Variants in ZGRF1 observed in about 807,000 individuals in gnomAD.
The protein encoded by ZGRF1 is 5'-3' DNA helicase ZGRF1.
ZGRF1 carries 196 observed loss-of-function variants against 203.5 expected under a neutral mutation model. The observed-to-expected ratio is 0.96, with a 90% CI of 0.86 to 1.08. The LOEUF (loss-of-function observed/expected upper bound fraction) is 1.08, where lower values mean the gene tolerates loss of function less well. Among genes scored for constraint, ZGRF1 ranks in the 50% least tolerant of loss-of-function variants. The probability of loss-of-function intolerance (pLI) is 0.00; values close to 1 mark genes in which losing one functional copy is unlikely to be tolerated. For synonymous variants in ZGRF1, 809 were observed against 841.3 expected, an observed-to-expected ratio of 0.96 and a Z score of 0.66; for missense variants, 2,326 against 2,416.3, an observed-to-expected ratio of 0.96 and a Z score of 0.78.
chr4:112,575,230 G>T lies in ZGRF1; in HGVS notation c.4438+6433C>A, dbSNP rs1578326876. On this transcript the variant is annotated intron_variant, in intron 16 of 27. Transcript: ENST00000505019. ...AATATACTTACTTATATGATTCCAA[G>T]AACTAATTAAATGTTTCTCGTATCC... Among the ~76,000 whole-genome samples the T allele has an allele frequency of 5.3e-5, 8 of 152,074 alleles. 1 individual carries two copies. The South Asian group carries it at 1.7e-3, about 32-fold the overall frequency.
chr4:112,588,381 G>A (rs947152063), intron 11 of ZGRF1, among the ~76,000 whole-genome samples: 2 of 151,944 alleles, frequency 1.3e-5, no homozygotes, highest in Non-Finnish European at 2.9e-5. Flanking sequence ...TCCCAGAGAC[G>A]GAAGCTCATG....
intron 15 of ZGRF1, among the ~76,000 whole-genome samples, chr4:112,582,339 C>G (rs35496805): frequency 2.0e-5 from 3 of 151,754 alleles, no homozygotes; most frequent in Non-Finnish European, 4.4e-5. Flanking sequence ...TTTCCCACCC[C>G]CTTTTCTTCC....
intron 24 of ZGRF1, among the ~76,000 whole-genome samples, chr4:112,546,002 G>A (rs566320302): frequency 6.6e-6 from 1 of 151,620 alleles, no homozygotes; most frequent in East Asian, 1.9e-4. Flanking sequence ...CAAAATTTCT[G>A]TTTGGGATAA....
chr4:112,620,530 A>C (rs2047029203), intron 4 of ZGRF1, among the ~76,000 whole-genome samples: 1 of 152,184 alleles, frequency 6.6e-6, no homozygotes, highest in African/African-American at 2.4e-5. Flanking sequence ...CCTGGGCAAA[A>C]TATTGAGATC....
At chr4:112,594,601 T>G (rs1328954264) in intron 10 of ZGRF1, among the ~76,000 whole-genome samples, 2 of 151,812 alleles carry the variant, frequency 1.3e-5, no homozygotes, top group Admixed American at 1.3e-4. Context: ...TACAGGCACA[T>G]GCCACCACGC....
chr4:112,561,021 AT>A, intron 18 of ZGRF1, 26 bp from the exon 19 acceptor site: 1 of 1,558,654 alleles, frequency 6.4e-7, no homozygotes, highest in Non-Finnish European at 8.8e-7. Flanking sequence ...CAAATAAACA[AT>A]TTTAAAAAAA....
At chr4:112,569,952 C>T (rs930420712) in intron 16 of ZGRF1, among the ~76,000 whole-genome samples, 3 of 152,094 alleles carry the variant, frequency 2.0e-5, no homozygotes, top group Non-Finnish European at 2.9e-5. Flanking sequence ...AGGATCATCT[C>T]TACATGATGA....
chr4:112,548,211 G>C (rs966576835), intron 23 of ZGRF1, 42 bp downstream of exon 23: 5 of 1,545,470 alleles, frequency 3.2e-6, no homozygotes, highest in Non-Finnish European at 4.4e-6. Flanking sequence ...AAAGTGCTAG[G>C]ATTACAGGTA....
intron 24 of ZGRF1, among the ~76,000 whole-genome samples, chr4:112,541,654 G>C (rs1737640071): frequency 6.6e-6 from 1 of 150,992 alleles, no homozygotes; most frequent in African/African-American, 2.4e-5. Context: ...TCAGCCTCCC[G>C]AGTAGCTGGG....
chr4:112,544,610 G>A (rs1486864), intron 24 of ZGRF1, among the ~76,000 whole-genome samples: 2,120 of 152,100 alleles, frequency 0.014, 16 homozygotes, highest in Middle Eastern at 0.044. Context: ...TTCCAGGTAC[G>A]GAGAAAACAG....
rs551901198 is a variant in ZGRF1 at position 112,574,211 on chromosome 4, AG to A, written c.4438+7451del. On this transcript the variant is annotated intron_variant, in intron 16 of 27. Transcript: ENST00000505019. Reference sequence around the variant, plus strand: ...CACCCTGTTCACAATGGTAAAACTTAGAAACCCAAACAACAATGAAAACAAT... The same window carrying A: ...CACCCTGTTCACAATGGTAAAACTTAAAACCCAAACAACAATGAAAACAAT... Among the ~76,000 whole-genome samples the A allele has an allele frequency of 3.8e-3, 584 of 152,360 alleles. 3 individuals carry two copies. Among genetic ancestry groups the A allele is most frequent in the Non-Finnish European group, 6.4e-3 (437 of 68,030 alleles).
intron 3 of ZGRF1, among the ~76,000 whole-genome samples, chr4:112,624,744 C>T (rs1010543705): frequency 6.6e-6 from 1 of 152,062 alleles, no homozygotes; most frequent in Non-Finnish European, 1.5e-5. Context: ...AGCAATTTTT[C>T]CACTAGCCCT....
rs1340494397 is a variant in ZGRF1 at position 112,540,113 on chromosome 4, T to C, written c.5922A>G (p.Leu1974=). 23 of 1,560,798 alleles carry C rather than the reference T, an allele frequency of 1.5e-5. No homozygotes were observed. The highest frequency in any genetic ancestry group is 2.0e-5 in the Non-Finnish European group (23 of 1,149,822). The change falls in exon 27 of 28, where the codon TTA becomes TTG. Residue 1974 remains leucine, a synonymous_variant. Transcript: ENST00000505019. ...GATGGTGAAAGTCCACAGCACTGAG[T>C]AAATGACAAAGCTGTGGAAGAAAAA... is the stretch of plus-strand genomic sequence containing the variant. ...YKSQMYKLCH[L]LSAVDFHHPD... is the part of the protein sequence containing the mutation.
rs528295294 is a variant in ZGRF1, at chr4:112,605,928, C to T, written c.2802+80G>A. 9.7e-6 allele frequency: 9 copies of T among 927,440 alleles called. No homozygotes were observed. The Admixed American group carries it at 1.1e-4, about 11-fold the overall frequency. 57.5% of individuals were successfully genotyped at this position (927,440 alleles called of 1,614,324 possible). On this transcript the variant is annotated intron_variant, in intron 9 of 27. Coordinates refer to ENST00000505019, the MANE Select transcript of ZGRF1 (RefSeq NM_018392.5). Reference sequence around the variant, plus strand: ...CCTTCTGCCTGTGAAAACTCTGATACTTGTTTTTTTGTTTTTTTGTTTTAA... The same window carrying T: ...CCTTCTGCCTGTGAAAACTCTGATATTTGTTTTTTTGTTTTTTTGTTTTAA...
At chr4:112,564,556 T>C (rs1420319988) in intron 16 of ZGRF1, among the ~76,000 whole-genome samples, 9 of 152,222 alleles carry the variant, frequency 5.9e-5, no homozygotes, top group Non-Finnish European at 5.9e-5. Flanking sequence ...TTTAATCATA[T>C]GCATTTCACA....
chr4:112,583,182 T>C (rs1404459835), intron 15 of ZGRF1, among the ~76,000 whole-genome samples: 2 of 152,198 alleles, frequency 1.3e-5, no homozygotes, highest in African/African-American at 4.8e-5. Context: ...CTGGCATATA[T>C]CAGCTCCGAA....
At chr4:112,552,868 T>C (rs1740218737) in intron 22 of ZGRF1, among the ~76,000 whole-genome samples, 1 of 152,188 alleles carries the variant, frequency 6.6e-6, no homozygotes, top group Non-Finnish European at 1.5e-5. Flanking sequence ...TCAGCAAACA[T>C]AATATGAACT....
intron 16 of ZGRF1, among the ~76,000 whole-genome samples, chr4:112,574,338 CA>C (rs1235924176): frequency 6.6e-6 from 1 of 151,640 alleles, no homozygotes; most frequent in Non-Finnish European, 1.5e-5. Context: ...ACATACTAAC[CA>C]AAAAAAGATA....
At chr4:112,622,956 C>T (rs2047111132) in intron 4 of ZGRF1, among the ~76,000 whole-genome samples, 1 of 152,080 alleles carries the variant, frequency 6.6e-6, no homozygotes, top group South Asian at 2.1e-4. Flanking sequence ...TTTTCCTGAT[C>T]CTCTTCCTCC....
Sources: gnomAD v4.1 joint callset for allele counts (sites outside exome capture counted in the v4.1 genomes callset) on GRCh38, gnomAD v4.1.1 for gene constraint, MANE v1.5 for transcripts, NCBI Gene and HGNC (gene_info 2026-07-23, HGNC 2026-07-21) for gene names.